TSPAN8: variants seen among roughly 807,000 people sequenced by gnomAD.
TSPAN8 encodes tetraspanin-8.
Under a neutral mutation model 32.8 loss-of-function variants are expected in TSPAN8, and 21 were observed. The observed-to-expected ratio is 0.64, with a 90% CI of 0.45 to 0.92. The LOEUF is 0.92. Among genes scored for constraint, TSPAN8 ranks in the 40% least tolerant of loss-of-function variants. TSPAN8 has a pLI of 0.00. For missense variants in TSPAN8, 269 were observed against 281.9 expected (o/e 0.95, Z 0.33); for synonymous variants, 95 against 94.6 (o/e 1.00, Z -0.03).
intron 3 of TSPAN8, among the ~76,000 whole-genome samples, chr12:71,140,708 G>T (rs779145999): frequency 3.3e-5 from 5 of 152,128 alleles, no homozygotes; most frequent in Non-Finnish European, 7.4e-5. Context: ...ATAACACTTA[G>T]CCTCAGCCAC....
chr12:71,148,690 T>A (rs1432589619), intron 2 of TSPAN8, among the ~76,000 whole-genome samples: 2 of 152,210 alleles, frequency 1.3e-5, no homozygotes, highest in African/African-American at 4.8e-5. Context: ...CACAATATTC[T>A]GATTTCTTAT....
intron 7 of TSPAN8, among the ~76,000 whole-genome samples, chr12:71,129,697 C>T (rs967570440): frequency 6.6e-6 from 1 of 151,964 alleles, no homozygotes; most frequent in African/African-American, 2.4e-5. Flanking sequence ...TAATTTTTCA[C>T]CAACATATCC....
chr12:71,129,284 A>G (rs761665724), intron 8 of TSPAN8, 47 bp downstream of exon 8: 3 of 1,460,938 alleles, frequency 2.1e-6, no homozygotes, highest in Admixed American at 5.4e-5. Context: ...GAAATTAATG[A>G]ACAAGCAAGG....
chr12:71,138,234 A>C lies in TSPAN8; in HGVS notation c.262-4T>G. The C allele has an allele frequency of 6.2e-7, 1 of 1,613,252 alleles. No homozygotes were observed. The highest frequency in any genetic ancestry group is 8.5e-7 in the Non-Finnish European group (1 of 1,179,734). ...TCAGAAGCAAGCCTATGAAAAACTG[A>C]AGAAGAGAAAAAGAAATATACATTA... is the stretch of plus-strand genomic sequence containing the variant. On this transcript the variant is annotated splice_polypyrimidine_tract_variant and splice_region_variant and intron_variant, in intron 4 of 8. Transcript: ENST00000247829.
intron 3 of TSPAN8, among the ~76,000 whole-genome samples, chr12:71,140,071 G>A (rs1222577933): frequency 1.5e-5 from 2 of 130,734 alleles, no homozygotes; most frequent in African/African-American, 5.9e-5. Flanking sequence ...CTGGGTGGAA[G>A]AAATGTAATA....
At chr12:71,144,235 C>T in intron 2 of TSPAN8, 22 bp from the exon 3 acceptor site, 3 of 1,603,706 alleles carry the variant, frequency 1.9e-6, no homozygotes, top group Non-Finnish European at 2.6e-6. Flanking sequence ...AACAAACAAA[C>T]AAAAAGAATA....
chr12:71,157,565 A>G (rs1044562702), intron 2 of TSPAN8, 54 bp downstream of exon 2: 18 of 1,234,764 alleles, frequency 1.5e-5, no homozygotes, highest in Non-Finnish European at 1.8e-5. Context: ...TATGATATTT[A>G]TATCAAGATC....
chr12:71,137,841 C>A (rs1179848244), intron 6 of TSPAN8, 112 bp downstream of exon 6: 20 of 956,274 alleles, frequency 2.1e-5, no homozygotes, highest in Non-Finnish European at 2.8e-5. Flanking sequence ...AATAATCAAT[C>A]AAAATCTGCA....
chr12:71,128,655 T>TA lies in TSPAN8; in HGVS notation c.660+675dup, dbSNP rs77961508. Among the ~76,000 whole-genome samples the TA allele has an allele frequency of 2.4e-3, 334 of 139,454 alleles. 2 individuals carry two copies. Among genetic ancestry groups the TA allele is most frequent in the African/African-American group, 5.8e-3 (230 of 39,504 alleles). 91.5% of individuals were successfully genotyped at this position (139,454 alleles called of 152,430 possible). ...GTATCTTTCAGGTTTTTTTTTTTTT[T>TA]AAAAAAAAAACATGCCAAGAAAGTT... On this transcript the variant is annotated intron_variant, in intron 8 of 8. Coordinates refer to ENST00000247829, the MANE Select transcript of TSPAN8 (RefSeq NM_004616.3).
At chr12:71,144,548 A>G (rs2137056247) in intron 2 of TSPAN8, among the ~76,000 whole-genome samples, 1 of 152,280 alleles carries the variant, frequency 6.6e-6, no homozygotes, top group African/African-American at 2.4e-5. Flanking sequence ...AAAAGTCACA[A>G]CAGTTTAAAG....
intron 6 of TSPAN8, among the ~76,000 whole-genome samples, chr12:71,135,853 G>A (rs1871679692): frequency 6.6e-6 from 1 of 152,148 alleles, no homozygotes; most frequent in East Asian, 1.9e-4. Flanking sequence ...CAGAGGTACT[G>A]AGGCTGCATA....
intron 2 of TSPAN8, among the ~76,000 whole-genome samples, chr12:71,150,626 G>A (rs1872223120): frequency 6.6e-6 from 1 of 152,080 alleles, no homozygotes; most frequent in African/African-American, 2.4e-5. Flanking sequence ...AAATACTGGG[G>A]GCACGTTCCC....
At chr12:71,133,076 T>C (rs1426765595) in intron 6 of TSPAN8, among the ~76,000 whole-genome samples, 1 of 152,088 alleles carries the variant, frequency 6.6e-6, no homozygotes, top group Non-Finnish European at 1.5e-5. Context: ...AAAACTCACC[T>C]ACTAGGTTTT....
intron 3 of TSPAN8, among the ~76,000 whole-genome samples, chr12:71,141,759 A>G (rs1242084393): frequency 6.6e-6 from 1 of 152,182 alleles, no homozygotes; most frequent in Non-Finnish European, 1.5e-5. Context: ...AGATGTTTGC[A>G]CCAGGGGAGG....
At chr12:71,135,229 AAGGAGG>A (rs751370557) in intron 6 of TSPAN8, among the ~76,000 whole-genome samples, 13 of 49,464 alleles carry the variant, frequency 2.6e-4, no homozygotes, top group East Asian at 3.7e-3. Flanking sequence ...GAGGAAGAAG[AAGGAGG>A]AGGAGGAGGA....
chr12:71,147,110 C>A (rs1051404374), intron 2 of TSPAN8, among the ~76,000 whole-genome samples: 3 of 151,892 alleles, frequency 2.0e-5, no homozygotes, highest in Non-Finnish European at 4.4e-5. Context: ...AAATTAATTT[C>A]TGTTGTTTAA....
At chr12:71,154,513 A>T (rs1259052562) in intron 2 of TSPAN8, among the ~76,000 whole-genome samples, 1 of 151,978 alleles carries the variant, frequency 6.6e-6, no homozygotes, top group African/African-American at 2.4e-5. Context: ...GATCTATTCC[A>T]AATTTCTGAT....
At chr12:71,154,087 T>A (rs1344811509) in intron 2 of TSPAN8, among the ~76,000 whole-genome samples, 1 of 151,936 alleles carries the variant, frequency 6.6e-6, no homozygotes, top group Admixed American at 6.6e-5. Context: ...AGTAGATGGA[T>A]CACCTGAGGT....
intron 1 of TSPAN8, 65 bp downstream of exon 1, chr12:71,157,865 C>T (rs1260586560): frequency 3.5e-6 from 2 of 573,240 alleles, no homozygotes; most frequent in Non-Finnish European, 6.2e-6. Flanking sequence ...AATTAACCCA[C>T]ACATTTAAAT....
Sources: allele counts gnomAD v4.1 joint callset (sites outside exome capture counted in the v4.1 genomes callset), GRCh38; gene constraint gnomAD v4.1.1; transcripts MANE v1.5; gene names NCBI Gene and HGNC (gene_info 2026-07-23, HGNC 2026-07-21).